The following TYRP1 variants were observed in gnomAD, a reference collection of about 807,000 sequenced individuals.
TYRP1 encodes the protein tyrosinase related protein 1.
Under a neutral mutation model 42.8 loss-of-function variants are expected in TYRP1, and 49 were observed. The ratio of observed to expected loss-of-function variants is 1.14; its 90% CI spans 0.91 to 1.45. The LOEUF (loss-of-function observed/expected upper bound fraction) is 1.45, where lower values mean the gene tolerates loss of function less well. TYRP1 is among the 40% of genes most tolerant of loss of function. TYRP1 has a pLI of 0.00. For missense variants in TYRP1, 848 were observed against 662.0 expected (o/e 1.28, Z -3.08); for synonymous variants, 279 against 235.4 (o/e 1.19, Z -1.69).
In TYRP1 at chr9:12,708,957, T is replaced by G. The variant is rs1818307190; in HGVS notation, c.1409-20T>G. 1.0e-5 allele frequency: 16 copies of G among 1,560,216 alleles called. No homozygotes were observed. In the East Asian group the frequency reaches 3.6e-4, roughly 35 times the overall value. On this transcript the variant is annotated intron_variant, in intron 7 of 7. Coordinates refer to ENST00000388918, the MANE Select transcript of TYRP1 (RefSeq NM_000550.3). ...TATTTTAATATTTGTCTTTTTATTT[T>G]TATCTTCCTTTCCAAATAGGTCGGG...
intron 4 of TYRP1, 58 bp from the exon 5 acceptor site, chr9:12,702,213 C>T (rs998144348): frequency 2.1e-5 from 33 of 1,576,020 alleles, no homozygotes; most frequent in Non-Finnish European, 2.7e-5. Context: ...TTTTAAAGAG[C>T]GACAATAAGA....
At chr9:12,698,698 A>T in intron 4 of TYRP1, 43 bp downstream of exon 4, 1 of 1,575,040 alleles carries the variant, frequency 6.3e-7, no homozygotes, top group Non-Finnish European at 8.7e-7. Flanking sequence ...TTCTTTTTAG[A>T]TAAAGAGATT....
At chr9:12,698,726 G>A (rs1818118819) in intron 4 of TYRP1, 71 bp downstream of exon 4, 2 of 1,414,892 alleles carry the variant, frequency 1.4e-6, no homozygotes, top group East Asian at 2.4e-5. Context: ...TTGCCTGAAA[G>A]GCCCTTCATT....
intron 3 of TYRP1, among the ~76,000 whole-genome samples, chr9:12,696,058 C>G (rs1300380377): frequency 6.6e-6 from 1 of 152,112 alleles, no homozygotes; most frequent in African/African-American, 2.4e-5. Context: ...CAATAATGAG[C>G]AAAATGAGAC....
chr9:12,698,366 A>AAAT (rs1311251290), intron 3 of TYRP1, 85 bp from the exon 4 acceptor site: 2 of 1,322,418 alleles, frequency 1.5e-6, no homozygotes, highest in Admixed American at 3.5e-5. Flanking sequence ...GAGCTAATAG[A>AAAT]AATAGACTGT....
rs568782212 is a variant in TYRP1, at chr9:12,707,901, G to A, written c.1262-96G>A. ...GTAAAATAAGAATAAAATTTTTTCA[G>A]GTTCTCCTTGAATATTGGATGCCTT... On this transcript the variant is annotated intron_variant, in intron 6 of 7. Coordinates refer to ENST00000388918, the MANE Select transcript of TYRP1 (RefSeq NM_000550.3). 5.2e-5 allele frequency: 65 copies of A among 1,248,798 alleles called. No homozygotes were observed. The Middle Eastern group carries it at 1.6e-3, about 30-fold the overall frequency. 77.4% of individuals were successfully genotyped at this position (1,248,798 alleles called of 1,614,324 possible). A position where few individuals can be genotyped will look rare whatever the true frequency, so the allele number is the denominator to read the frequency against.
In TYRP1 at chr9:12,704,719, A is replaced by C. The variant is rs558388466; in HGVS notation, c.1261+14A>C. The C allele has an allele frequency of 8.7e-6, 14 of 1,612,044 alleles. No homozygotes were observed. Among genetic ancestry groups the C allele is most frequent in the Admixed American group, 1.7e-5 (1 of 59,854 alleles). On this transcript the variant is annotated intron_variant, in intron 6 of 7. Coordinates refer to ENST00000388918, the MANE Select transcript of TYRP1 (RefSeq NM_000550.3). ...GATACAATGCTGGTAAGACATTTTC[A>C]TATGCCTTTTGCATGCTCAGCTGGG...
At position 12,709,311 on chromosome 9, in the gene TYRP1, A is replaced by C. The variant is rs1227289233; in HGVS notation, c.*129A>C. 2 of 943,384 alleles carry C rather than the reference A, an allele frequency of 2.1e-6. No homozygotes were observed. Among genetic ancestry groups the C allele is most frequent in the African/African-American group, 3.3e-5 (2 of 60,700 alleles). The allele number at this position is 943,384 out of a possible 1,614,324, so 58.4% of individuals were successfully genotyped here. A position where few individuals can be genotyped will look rare whatever the true frequency, so the allele number is the denominator to read the frequency against. The stretch of plus-strand genomic sequence containing the variant: ...TAATACAAGCATATGTTAGCATTAA[A>C]GTTCTAGGCATACTTTTCAAAGCTG... On this transcript the variant is annotated 3_prime_UTR_variant, in exon 8 of 8. Transcript: ENST00000388918.
intron 3 of TYRP1, 80 bp from the exon 4 acceptor site, chr9:12,698,371 G>C: frequency 1.5e-6 from 2 of 1,346,236 alleles, no homozygotes; most frequent in South Asian, 1.2e-5. Flanking sequence ...AATAGAAATA[G>C]ACTGTCAGAG....
intron 3 of TYRP1, 92 bp downstream of exon 3, chr9:12,695,929 G>C (rs1818073543): frequency 1.4e-6 from 2 of 1,412,344 alleles, no homozygotes; most frequent in Non-Finnish European, 2.0e-6. Flanking sequence ...AGAATCATCA[G>C]AACATTTGAT....
At chr9:12,698,354 GA>G in intron 3 of TYRP1, 96 bp from the exon 4 acceptor site, 1 of 1,203,720 alleles carries the variant, frequency 8.3e-7, no homozygotes, top group Non-Finnish European at 1.2e-6. Flanking sequence ...ATTGTCTGAA[GA>G]GAGCTAATAG....
rs762754782 is a variant in TYRP1 at position 12,708,927 on chromosome 9, A to ATAAC, written c.1409-47_1409-44dup. On this transcript the variant is annotated intron_variant, in intron 7 of 7. Coordinates refer to ENST00000388918, the MANE Select transcript of TYRP1 (RefSeq NM_000550.3). ...AATTTCATCTGTCCACTTTTTGGTG[A>ATAAC]TAACTATTTTAATATTTGTCTTTTT... The ATAAC allele has an allele frequency of 6.0e-6, 9 of 1,501,808 alleles. No homozygotes were observed. In the East Asian group the frequency reaches 9.4e-5, roughly 16 times the overall value. The allele number at this position is 1,501,808 out of a possible 1,614,324, so 93.0% of individuals were successfully genotyped here.
intron 4 of TYRP1, chr9:12,700,624 T>C (rs1403455017): frequency 2.0e-5 from 3 of 152,044 alleles, no homozygotes; most frequent in Admixed American, 2.0e-4. Flanking sequence ...AATTTAAGAA[T>C]CACTGGAATA....
intron 7 of TYRP1, among the ~76,000 whole-genome samples, chr9:12,708,575 G>T (rs1273643056): frequency 6.6e-6 from 1 of 151,876 alleles, no homozygotes; most frequent in Admixed American, 6.6e-5. Flanking sequence ...GATACTCTTA[G>T]GTATTTTTCT....
chr9:12,700,263 C>A (rs1260329497), intron 4 of TYRP1: 1 of 151,974 alleles, frequency 6.6e-6, no homozygotes, highest in Non-Finnish European at 1.5e-5. Flanking sequence ...TCATCTTTTA[C>A]TGGAGACCCA....
At chr9:12,703,740 A>G (rs1818211390) in intron 5 of TYRP1, among the ~76,000 whole-genome samples, 1 of 151,948 alleles carries the variant, frequency 6.6e-6, no homozygotes, top group African/African-American at 2.4e-5. Flanking sequence ...ATTTCATTTT[A>G]TAATGCACAA....
intron 3 of TYRP1, among the ~76,000 whole-genome samples, chr9:12,697,045 A>G (rs1254532574): frequency 1.3e-5 from 2 of 152,232 alleles, no homozygotes; most frequent in Non-Finnish European, 2.9e-5. Flanking sequence ...GAGAGTGATT[A>G]AATGAATTCA....
chr9:12,696,271 C>T (rs966330526), intron 3 of TYRP1, among the ~76,000 whole-genome samples: 1 of 152,072 alleles, frequency 6.6e-6, no homozygotes, highest in African/African-American at 2.4e-5. Flanking sequence ...ATCATTCCAG[C>T]GATGATTCCC....
intron 7 of TYRP1, 27 bp downstream of exon 7, chr9:12,708,170 G>C: frequency 9.3e-6 from 15 of 1,611,578 alleles, no homozygotes; most frequent in Non-Finnish European, 1.3e-5. Context: ...TATTTTTACT[G>C]TGATAATTTC....
Sources: gnomAD v4.1 joint callset for allele counts (sites outside exome capture counted in the v4.1 genomes callset) on GRCh38, gnomAD v4.1.1 for gene constraint, MANE v1.5 for transcripts, NCBI Gene and HGNC (gene_info 2026-07-23, HGNC 2026-07-21) for gene names.